VDAC3: variants seen among roughly 807,000 people sequenced by gnomAD.
The protein encoded by VDAC3 is voltage dependent anion channel 3, also known as non-selective voltage-gated ion channel VDAC3.
In VDAC3, 7 loss-of-function variants were observed where a neutral mutation model predicts 33.9. The ratio of observed to expected loss-of-function variants is 0.21; its 90% CI spans 0.12 to 0.39. The LOEUF (loss-of-function observed/expected upper bound fraction) is 0.39, where lower values mean the gene tolerates loss of function less well. Ranked by LOEUF, VDAC3 falls within the 10% of genes least tolerant of loss-of-function variation. The pLI, the probability that VDAC3 is intolerant of heterozygous loss-of-function variation, is 1.00. For synonymous variants in VDAC3, 100 were observed against 122.4 expected (o/e 0.82, Z 1.21); for missense variants, 261 against 334.5 (o/e 0.78, Z 1.71).
chr8:42,395,605 T>G lies in VDAC3; in HGVS notation c.117+472T>G, dbSNP rs991120015. 2.6e-5 allele frequency among the ~76,000 whole-genome samples: 4 copies of G among 152,246 alleles called. No homozygotes were observed. In the South Asian group the frequency reaches 6.2e-4, roughly 24 times the overall value. On this transcript the variant is annotated intron_variant, in intron 4 of 9. Coordinates refer to ENST00000022615, the MANE Select transcript of VDAC3 (RefSeq NM_005662.7). ...TTTTTAACTGATGTTTATAAAGTTTTTTTTATTGGAAGTAAAGACTACAGT... is the reference window on the plus strand; with the variant it reads ...TTTTTAACTGATGTTTATAAAGTTTGTTTTATTGGAAGTAAAGACTACAGT...
rs1802417991 is a variant in VDAC3, at chr8:42,401,758, C to T, written c.324-30C>T. On this transcript the variant is annotated intron_variant, in intron 6 of 9. Transcript: ENST00000022615. ...TAGTAAGAACTCATGTTGTTTTCAT[C>T]ATTTGCTTTTGTTTGTTTGTTTATT... The T allele has an allele frequency of 2.5e-6, 4 of 1,602,950 alleles. No individual in the cohort carries two copies. The South Asian group carries it at 3.3e-5, about 13-fold the overall frequency.
chr8:42,403,561 T>C, intron 8 of VDAC3, 100 bp downstream of exon 8: 1 of 1,253,728 alleles, frequency 8.0e-7, no homozygotes, highest in Non-Finnish European at 1.1e-6. Flanking sequence ...TTTATTAATT[T>C]TAATAAGCCA....
chr8:42,401,903 G>A lies in VDAC3; in HGVS notation c.439G>A (p.Glu147Lys), dbSNP rs775234791. ...TIYGWAVLAF[E>K]GWLAGYQMSF... is the part of the protein sequence containing the mutation. ...CTATGGCTGGGCTGTGTTGGCCTTC[G>A]AAGGGTGGCTTGCTGGCTATCAGAT... The change falls in exon 7 of 10, where the codon GAA (glutamate) becomes AAA (lysine). Residue 147 changes from glutamate to lysine, a missense_variant. Transcript: ENST00000022615. 182 of 1,614,086 alleles carry A rather than the reference G, an allele frequency of 1.1e-4. No individual in the cohort carries two copies. Among genetic ancestry groups the A allele is most frequent in the Middle Eastern group, 1.6e-4 (1 of 6,084 alleles).
Position 42,393,840 on chromosome 8 carries a change from T to C in VDAC3, c.-42-5T>C. On this transcript the variant is annotated splice_region_variant and splice_polypyrimidine_tract_variant and intron_variant, in intron 1 of 9. Transcript: ENST00000022615. ...TTTAAAAATTTCCATTGTTGTCTTA[T>C]ACAGGTCTTTGGTTTCATAAGAGCC... is the stretch of plus-strand genomic sequence containing the variant. 2.4e-6 allele frequency: 1 copy of C among 419,772 alleles called. No homozygotes were observed. Among genetic ancestry groups the C allele is most frequent in the Non-Finnish European group, 4.2e-6 (1 of 237,386 alleles). The allele number at this position is 419,772 out of a possible 1,614,324, so 26.0% of individuals were successfully genotyped here.
At chr8:42,403,934 C>G (rs1182756840) in intron 8 of VDAC3, among the ~76,000 whole-genome samples, 1 of 150,986 alleles carries the variant, frequency 6.6e-6, no homozygotes, top group Non-Finnish European at 1.5e-5. Flanking sequence ...TTCTTCTAGT[C>G]CTAGCTCTTC....
rs1259718754 is a variant in VDAC3 at position 42,396,217 on chromosome 8, C to T, written c.117+1084C>T. Reference sequence around the variant, plus strand: ...AGGTTGCAGTGAGCAGAGATCGTGCCACTGTACTCCATCCAGCCTGGGCAA... The same window carrying T: ...AGGTTGCAGTGAGCAGAGATCGTGCTACTGTACTCCATCCAGCCTGGGCAA... On this transcript the variant is annotated intron_variant, in intron 4 of 9. Transcript: ENST00000022615. Among the ~76,000 whole-genome samples the T allele has an allele frequency of 2.0e-5, 3 of 152,112 alleles. No individual in the cohort carries two copies. The East Asian group carries it at 5.8e-4, about 29-fold the overall frequency.
intron 1 of VDAC3, among the ~76,000 whole-genome samples, chr8:42,392,179 G>T (rs1824880224): frequency 6.6e-6 from 1 of 152,224 alleles, no homozygotes; most frequent in Admixed American, 6.5e-5. Context: ...CGTGTGGACC[G>T]CACTTTCCTC....
chr8:42,398,540 A>G (rs923398640), intron 4 of VDAC3, among the ~76,000 whole-genome samples, 172 bp from the exon 5 acceptor site: 2 of 152,114 alleles, frequency 1.3e-5, no homozygotes, highest in African/African-American at 4.8e-5. Context: ...ACTGGTTAAA[A>G]TATTTAGGGA....
Position 42,394,113 on chromosome 8 carries a change from G to A in VDAC3, c.-2-97G>A, listed in dbSNP as rs1802256606. ...TAATGATACACAGGAAGAGAAAACTGTATACCCCTTCTCACAGGATTAAAC... is the reference window on the plus strand; with the variant it reads ...TAATGATACACAGGAAGAGAAAACTATATACCCCTTCTCACAGGATTAAAC... On this transcript the variant is annotated intron_variant, in intron 2 of 9. Coordinates refer to ENST00000022615, the MANE Select transcript of VDAC3 (RefSeq NM_005662.7). 3 of 1,067,286 alleles carry A rather than the reference G, an allele frequency of 2.8e-6. No homozygotes were observed. In the South Asian group the frequency reaches 3.8e-5, roughly 14 times the overall value. The allele number at this position is 1,067,286 out of a possible 1,614,324, so 66.1% of individuals were successfully genotyped here. A position where few individuals can be genotyped will look rare whatever the true frequency, so the allele number is the denominator to read the frequency against.
intron 4 of VDAC3, among the ~76,000 whole-genome samples, chr8:42,396,125 A>G (rs985739561): frequency 1.3e-5 from 2 of 151,754 alleles, no homozygotes; most frequent in Non-Finnish European, 2.9e-5. Flanking sequence ...AGACCTGATG[A>G]CGGGTGCCTG....
chr8:42,396,512 C>G, intron 4 of VDAC3: 1 of 553,154 alleles, frequency 1.8e-6, no homozygotes, highest in Non-Finnish European at 3.2e-6. Flanking sequence ...ATATGCACCT[C>G]CCTTACTAAG....
At chr8:42,404,283 A>G (rs1441229599) in intron 8 of VDAC3, among the ~76,000 whole-genome samples, 3 of 152,208 alleles carry the variant, frequency 2.0e-5, no homozygotes, top group Non-Finnish European at 2.9e-5. Flanking sequence ...ACCCAAGTTC[A>G]TGCCGTAACC....
rs74382634 is a variant in VDAC3, at chr8:42,402,991, A to G, written c.552-320A>G. The G allele has an allele frequency of 3.3e-5, 8 of 242,844 alleles. No individual in the cohort carries two copies. The East Asian group carries it at 4.3e-4, about 13-fold the overall frequency. The allele number at this position is 242,844 out of a possible 1,614,324, so 15.0% of individuals were successfully genotyped here. A position where few individuals can be genotyped will look rare whatever the true frequency, so the allele number is the denominator to read the frequency against. ...CTCTACTTTGAAGTTTCTAAGTTCT[A>G]TGAACTTCTCAGAGACCTATAGATT... On this transcript the variant is annotated intron_variant, in intron 7 of 9. Coordinates refer to ENST00000022615, the MANE Select transcript of VDAC3 (RefSeq NM_005662.7).
Position 42,398,756 on chromosome 8 carries a change from A to G in VDAC3, c.162A>G (p.Ala54=). The change falls in exon 5 of 10, where the codon GCA becomes GCG. Residue 54 remains alanine (A), a synonymous_variant. Coordinates refer to ENST00000022615, the MANE Select transcript of VDAC3 (RefSeq NM_005662.7). ...SGHAYTDTGK[A]SGNLETKYKV... is the part of the protein sequence containing the mutation. ...ATGCTTACACTGATACAGGGAAAGC[A>G]TCAGGCAACCTAGAAACCAAATATA... The G allele has an allele frequency of 6.2e-7, 1 of 1,614,072 alleles. No homozygotes were observed.
At chr8:42,400,328 CAAAA>C (rs556195091) in intron 6 of VDAC3, among the ~76,000 whole-genome samples, 1 of 110,656 alleles carries the variant, frequency 9.0e-6, no homozygotes. Context: ...GACTCTGTCT[CAAAA>C]AAAAAAAAAA....
At chr8:42,393,710 A>G (rs556612740) in intron 1 of VDAC3, 135 bp from the exon 2 acceptor site, 2 of 391,534 alleles carry the variant, frequency 5.1e-6, no homozygotes, top group East Asian at 3.6e-5. Flanking sequence ...TATATTCTAG[A>G]TGAATACACT....
In VDAC3 at chr8:42,394,997, T is replaced by C. The variant is rs1028284029; in HGVS notation, c.68-87T>C. 14 of 1,505,604 alleles carry C rather than the reference T, an allele frequency of 9.3e-6. No individual in the cohort carries two copies. In the Admixed American group the frequency reaches 1.3e-4, roughly 14 times the overall value. 93.3% of individuals were successfully genotyped at this position (1,505,604 alleles called of 1,614,324 possible). A position where few individuals can be genotyped will look rare whatever the true frequency, so the allele number is the denominator to read the frequency against. ...TGCATTTTTCATATGGAAGGTACTATAGGCTATTTCATAATTTCTGAGTTG... is the reference window on the plus strand; with the variant it reads ...TGCATTTTTCATATGGAAGGTACTACAGGCTATTTCATAATTTCTGAGTTG... On this transcript the variant is annotated intron_variant, in intron 3 of 9. Coordinates refer to ENST00000022615, the MANE Select transcript of VDAC3 (RefSeq NM_005662.7).
In VDAC3 at chr8:42,405,539, C is replaced by A. The variant is rs1802484228; in HGVS notation, c.*77C>A. The A allele has an allele frequency of 1.6e-6, 2 of 1,264,694 alleles. No individual in the cohort carries two copies. Among genetic ancestry groups the A allele is most frequent in the African/African-American group, 3.0e-5 (2 of 66,682 alleles). 78.3% of individuals were successfully genotyped at this position (1,264,694 alleles called of 1,614,324 possible). On this transcript the variant is annotated 3_prime_UTR_variant, in exon 10 of 10. Transcript: ENST00000022615. ...CCCACTATGTTTTGGCCTTAAAATTCTTCTGTGAAATTTCAAAAGTGTGAA... is the reference window on the plus strand; with the variant it reads ...CCCACTATGTTTTGGCCTTAAAATTATTCTGTGAAATTTCAAAAGTGTGAA...
rs752791425 is a variant in VDAC3, at chr8:42,401,972, G to A, written c.508G>A (p.Ala170Thr). The A allele has an allele frequency of 1.3e-5, 21 of 1,614,084 alleles. No individual in the cohort carries two copies. Among genetic ancestry groups the A allele is most frequent in the Admixed American group, 1.7e-5 (1 of 60,000 alleles). ...AKSKLSQNNF[A>T]LGYKAADFQL... ...ATCCAAACTGTCACAGAATAATTTC[G>A]CCCTGGGTTACAAGGCTGCGGACTT... The change falls in exon 7 of 10, where the codon GCC becomes ACC. Residue 170 changes from alanine to threonine, a missense_variant. Ala to Thr is a moderately conservative substitution (Grantham distance 58). Coordinates refer to ENST00000022615, the MANE Select transcript of VDAC3 (RefSeq NM_005662.7).
Sources: gnomAD v4.1 joint callset for allele counts (sites outside exome capture counted in the v4.1 genomes callset) on GRCh38, gnomAD v4.1.1 for gene constraint, MANE v1.5 for transcripts, NCBI Gene and HGNC (gene_info 2026-07-23, HGNC 2026-07-21) for gene names.